ANK1: variants seen among roughly 807,000 people sequenced by gnomAD.
ANK1 encodes the protein ankyrin 1.
A neutral mutation model predicts 210.4 loss-of-function variants in ANK1; 51 were observed. The ratio of observed to expected loss-of-function variants is 0.24; its 90% confidence interval spans 0.19 to 0.31. The LOEUF (loss-of-function observed/expected upper bound fraction) is 0.31. Ranked by LOEUF, ANK1 falls within the 10% of genes least tolerant of loss-of-function variation. The pLI, the probability that ANK1 is intolerant of heterozygous loss-of-function variation, is 1.00. For missense variants in ANK1, 2,051 were observed against 2,504.4 expected (o/e 0.82, Z 3.86); for synonymous variants, 967 against 1,025.9 (o/e 0.94, Z 1.10).
rs542911902 is a variant in ANK1 at position 41,808,519 on chromosome 8, G to A, written c.127-50382C>T. 3.8e-4 allele frequency among the ~76,000 whole-genome samples: 58 copies of A among 152,108 alleles called. 1 individual carries two copies. The highest frequency in any genetic ancestry group is 1.4e-3 in the African/African-American group (57 of 41,478). On this transcript the variant is annotated intron_variant, in intron 1 of 42. Coordinates refer to the ANK1 transcript ENST00000265709. ...ATCTCTATTAAAAATATAAAAATTA[G>A]CCAGGTGTGGTGGCGGCCACCTGTA... is the stretch of plus-strand genomic sequence containing the variant.
At chr8:41,822,081 AGAGAGAGAGAGAGAGAGAG>A (rs1563844383) in intron 1 of ANK1, among the ~76,000 whole-genome samples, 1,563 of 38,986 alleles carry the variant, frequency 0.04, 40 homozygotes, top group African/African-American at 0.23. Context: ...AGAGAGAGAG[AGAGAGAGAGAGAGAGAGAG>A]AGAGAGAGAG....
At position 41,714,257 on chromosome 8, in the gene ANK1, G is replaced by GAGGAGAAACAGGCTGT; in HGVS notation, c.1702-4_1702-3insACAGCCTGTTTCTCCT. ...ACGTGCAGGGGGGTCAGGCCATTCT[G>GAGGAGAAACAGGCTGT]CAGGGGACAAAGACAAAAGAGGCCG... On this transcript the variant is annotated splice_region_variant and splice_polypyrimidine_tract_variant and intron_variant, in intron 15 of 42. Coordinates refer to ENST00000289734, the MANE Select transcript of ANK1 (RefSeq NM_000037.4). 1.3e-6 allele frequency: 2 copies of GAGGAGAAACAGGCTGT among 1,555,366 alleles called. No homozygotes were observed. Among genetic ancestry groups the GAGGAGAAACAGGCTGT allele is most frequent in the South Asian group, 1.2e-5 (1 of 81,236 alleles).
At chr8:41,832,853 A>G (rs1412062496) in intron 1 of ANK1, among the ~76,000 whole-genome samples, 1 of 152,224 alleles carries the variant, frequency 6.6e-6, no homozygotes, top group Non-Finnish European at 1.5e-5. Context: ...GGGCATGCCT[A>G]TGGTCACCAC....
At chr8:41,862,659 A>AC (rs1813504706) in intron 1 of ANK1, among the ~76,000 whole-genome samples, 1 of 88,800 alleles carries the variant, frequency 1.1e-5, no homozygotes, top group Non-Finnish European at 2.1e-5. Context: ...GGAGGCTCAG[A>AC]CAAAAAAAAA....
chr8:41,751,738 C>T (rs1165274297), intron 2 of ANK1, among the ~76,000 whole-genome samples: 1 of 152,184 alleles, frequency 6.6e-6, no homozygotes, highest in Non-Finnish European at 1.5e-5. Flanking sequence ...CCAGCCTCCT[C>T]ACCAGTCTTG....
chr8:41,708,945 T>C lies in ANK1; in HGVS notation c.1831A>G (p.Lys611Glu), dbSNP rs1463314313. The change falls in exon 17 of 43, where the codon AAG (lysine) becomes GAG (glutamate). Residue 611 changes from lysine to glutamate, a missense_variant. Physicochemically the swap from Lys to Glu is moderately conservative, Grantham distance 56. This residue lies in a region of ANK1 where 1,413 missense variants were observed against 1,707.4 expected (regional missense o/e 0.83). Coordinates refer to ENST00000289734, the MANE Select transcript of ANK1 (RefSeq NM_000037.4). ...CGGGCCACCTCCACCTGGTTCTGCTTGGCAGCGATGTGCAAAGGGGTGTAG... is the reference window on the plus strand; with the variant it reads ...CGGGCCACCTCCACCTGGTTCTGCTCGGCAGCGATGTGCAAAGGGGTGTAG... ...NGYTPLHIAA[K>E]QNQVEVARSL... is the part of the protein sequence containing the mutation. 3.1e-6 allele frequency: 5 copies of C among 1,614,028 alleles called. No individual in the cohort carries two copies. In the South Asian group the frequency reaches 4.4e-5, roughly 14 times the overall value.
intron 1 of ANK1, among the ~76,000 whole-genome samples, chr8:41,847,497 A>G (rs1275697850): frequency 1.3e-5 from 2 of 152,222 alleles, no homozygotes; most frequent in Non-Finnish European, 2.9e-5. Flanking sequence ...TACGGAGGTG[A>G]TAATGACACT....
At chr8:41,740,616 C>T (rs1834549928) in intron 2 of ANK1, among the ~76,000 whole-genome samples, 1 of 152,106 alleles carries the variant, frequency 6.6e-6, no homozygotes, top group Non-Finnish European at 1.5e-5. Flanking sequence ...TGTTTCTATT[C>T]CTCCCCTAGG....
At chr8:41,853,359 C>T (rs1226328037) in intron 1 of ANK1, among the ~76,000 whole-genome samples, 2 of 152,300 alleles carry the variant, frequency 1.3e-5, no homozygotes, top group South Asian at 4.1e-4. Flanking sequence ...TTCAGAATTT[C>T]TGCATCGCAA....
At chr8:41,727,747 C>T (rs1257709195) in intron 4 of ANK1, among the ~76,000 whole-genome samples, 161 bp downstream of exon 4, 3 of 152,224 alleles carry the variant, frequency 2.0e-5, no homozygotes, top group Admixed American at 2.0e-4. Flanking sequence ...TAATAAAGGA[C>T]ACCTTCACCA....
upstream of ANK1, among the ~76,000 whole-genome samples, chr8:41,800,981 A>G (rs1849776333): frequency 6.6e-6 from 1 of 152,158 alleles, no homozygotes; most frequent in African/African-American, 2.4e-5. Context: ...GAATAAGTAG[A>G]ATTATTATGC....
chr8:41,840,747 T>C (rs1808741478), intron 1 of ANK1, among the ~76,000 whole-genome samples: 1 of 152,254 alleles, frequency 6.6e-6, no homozygotes, highest in Non-Finnish European at 1.5e-5. Context: ...AGCTTCAATG[T>C]ATGGATTGGG....
intron 37 of ANK1, among the ~76,000 whole-genome samples, chr8:41,677,870 G>A (rs191718790): frequency 7.8e-4 from 119 of 152,152 alleles, no homozygotes; most frequent in African/African-American, 2.5e-3. Flanking sequence ...GATTACAAGC[G>A]TGAACCACTG....
chr8:41,708,996 C>A (rs778098728), intron 16 of ANK1, 21 bp from the exon 17 acceptor site: 1 of 1,613,172 alleles, frequency 6.2e-7, no homozygotes, highest in Non-Finnish European at 8.5e-7. Flanking sequence ...AGAAGCCGCC[C>A]AGAGCCTGGT....
At position 41,719,763 on chromosome 8, in the gene ANK1, G is replaced by C. The variant is rs372448762; in HGVS notation, c.1005C>G (p.Thr335=). 3 of 1,614,202 alleles carry C rather than the reference G, an allele frequency of 1.9e-6. No individual in the cohort carries two copies. The highest frequency in any genetic ancestry group is 4.5e-5 in the East Asian group (2 of 44,880). ...CGTGGAGTGGGGTCAGGTGGTCCAG[G>C]GTGATGTCGTCTATCTCTGCGTCGT... is the stretch of plus-strand genomic sequence containing the variant. ...LQYDAEIDDI[T]LDHLTPLHVA... is the part of the protein sequence containing the mutation. Residue 335 remains threonine, a synonymous_variant, in exon 10 of 43, where the codon ACC becomes ACG. Transcript: ENST00000289734.
At chr8:41,760,896 G>C (rs1002195281) in intron 1 of ANK1, among the ~76,000 whole-genome samples, 5 of 151,810 alleles carry the variant, frequency 3.3e-5, no homozygotes, top group African/African-American at 1.2e-4. Context: ...TCCTCTACAT[G>C]CCCTCCTAAA....
chr8:41,661,748 G>A (rs767936188), intron 41 of ANK1, 128 bp downstream of exon 41: 48 of 1,608,862 alleles, frequency 3.0e-5, no homozygotes, highest in Admixed American at 8.3e-5. Context: ...GCCCGGCAGA[G>A]CAAGGCAGCA....
intron 1 of ANK1, among the ~76,000 whole-genome samples, chr8:41,803,090 A>AAGGG (rs777806034): frequency 0.022 from 559 of 24,864 alleles, 11 homozygotes; most frequent in African/African-American, 0.045. Flanking sequence ...GAAGGGAAGG[A>AAGGG]AAGGAAAGGA....
At chr8:41,808,534 G>A (rs562601630) in intron 1 of ANK1, among the ~76,000 whole-genome samples, 7 of 152,030 alleles carry the variant, frequency 4.6e-5, no homozygotes, top group South Asian at 2.1e-4. Context: ...GTGTGGTGGC[G>A]GCCACCTGTA....
Sources: allele counts gnomAD v4.1 joint callset (sites outside exome capture counted in the v4.1 genomes callset), GRCh38; gene constraint gnomAD v4.1.1; regional missense constraint gnomAD v4.1.1; transcripts MANE v1.5; gene names NCBI Gene and HGNC (gene_info 2026-07-23, HGNC 2026-07-21).